Variants in EYA2 observed in about 807,000 individuals in gnomAD.
EYA2 encodes EYA transcriptional coactivator and phosphatase 2, also known as protein phosphatase EYA2.
EYA2 carries 31 observed loss-of-function variants against 69.2 expected under a neutral mutation model. The ratio of observed to expected loss-of-function variants is 0.45; its 90% CI spans 0.34 to 0.60. EYA2 has a LOEUF of 0.60. Among genes scored for constraint, EYA2 ranks in the 20% least tolerant of loss-of-function variants. The pLI is 0.02. For synonymous variants in EYA2, 257 were observed against 279.4 expected (o/e 0.92, Z 0.80); for missense variants, 622 against 701.2 (o/e 0.89, Z 1.28).
chr20:47,084,096 A>G (rs2031815215), intron 7 of EYA2, among the ~76,000 whole-genome samples: 1 of 152,060 alleles, frequency 6.6e-6, no homozygotes, highest in Admixed American at 6.6e-5. Flanking sequence ...AAAATACAAA[A>G]TTAGCTGGGT....
chr20:47,012,681 A>G (rs972070608), intron 4 of EYA2, among the ~76,000 whole-genome samples: 6 of 152,210 alleles, frequency 3.9e-5, no homozygotes, highest in African/African-American at 1.4e-4. Flanking sequence ...TTTTGTAGAG[A>G]CAGGGTTTCG....
At chr20:47,031,976 G>A (rs1478194652) in intron 5 of EYA2, among the ~76,000 whole-genome samples, 2 of 152,206 alleles carry the variant, frequency 1.3e-5, no homozygotes, top group African/African-American at 2.4e-5. Context: ...CCTGCTCCCA[G>A]CCCAGGCAGC....
At chr20:46,939,090 G>A (rs1031869138) in intron 1 of EYA2, among the ~76,000 whole-genome samples, 3 of 152,134 alleles carry the variant, frequency 2.0e-5, no homozygotes, top group African/African-American at 7.2e-5. Flanking sequence ...ACCTAGTTCA[G>A]GAGGGGCCAA....
rs78721372 is a variant in EYA2 at position 46,964,434 on chromosome 20, A to T, written c.-10-25567A>T. 2.9e-3 allele frequency among the ~76,000 whole-genome samples: 435 copies of T among 152,288 alleles called. 1 individual carries two copies. Among genetic ancestry groups the T allele is most frequent in the Admixed American group, 5.4e-3 (83 of 15,300 alleles). ...AAGAGAACCAAGTAGCACCTGGCAC[A>T]CAGAGGTCCGCAGGTGGCTGTTGAA... On this transcript the variant is annotated intron_variant, in intron 1 of 15. Coordinates refer to ENST00000327619, the MANE Select transcript of EYA2 (RefSeq NM_005244.5).
chr20:47,155,518 G>A (rs562047258), intron 10 of EYA2, among the ~76,000 whole-genome samples: 4 of 151,978 alleles, frequency 2.6e-5, no homozygotes, highest in Non-Finnish European at 4.4e-5. Flanking sequence ...AACCACAGAG[G>A]GCAGGTACTG....
At chr20:47,101,757 G>A (rs2032428683) in intron 9 of EYA2, among the ~76,000 whole-genome samples, 1 of 152,204 alleles carries the variant, frequency 6.6e-6, no homozygotes, top group South Asian at 2.1e-4. Context: ...TCTAAGCTTG[G>A]ATGTCAGAGA....
intron 12 of EYA2, among the ~76,000 whole-genome samples, chr20:47,173,071 A>C (rs2034357789): frequency 6.6e-6 from 1 of 152,102 alleles, no homozygotes; most frequent in Non-Finnish European, 1.5e-5. Context: ...TGAGGGACGG[A>C]GGCTGCATCT....
intron 5 of EYA2, among the ~76,000 whole-genome samples, chr20:47,069,453 C>T (rs2031232210): frequency 6.6e-6 from 1 of 152,170 alleles, no homozygotes; most frequent in Non-Finnish European, 1.5e-5. Flanking sequence ...TGCGCCTCTG[C>T]ACTCCAGCCT....
At chr20:47,136,255 G>A (rs2033469403) in intron 9 of EYA2, among the ~76,000 whole-genome samples, 1 of 152,170 alleles carries the variant, frequency 6.6e-6, no homozygotes, top group African/African-American at 2.4e-5. Flanking sequence ...CAACTGTTTA[G>A]TCTTAATTAA....
intron 1 of EYA2, among the ~76,000 whole-genome samples, chr20:46,898,991 G>T (rs1442976504): frequency 6.6e-6 from 1 of 152,174 alleles, no homozygotes; most frequent in Non-Finnish European, 1.5e-5. Flanking sequence ...AATAGCTGCT[G>T]TTTATTGAGA....
intron 1 of EYA2, among the ~76,000 whole-genome samples, chr20:46,919,830 G>T (rs761888580): frequency 6.6e-6 from 1 of 152,144 alleles, no homozygotes; most frequent in Non-Finnish European, 1.5e-5. Context: ...AAGCTTAATC[G>T]TTTCTAGCTT....
chr20:47,182,613 G>C (rs2034558550), intron 14 of EYA2, among the ~76,000 whole-genome samples: 1 of 59,972 alleles, frequency 1.7e-5, no homozygotes, highest in Non-Finnish European at 3.0e-5. Context: ...TGGGCAACAA[G>C]AACGAGACTC....
intron 12 of EYA2, among the ~76,000 whole-genome samples, chr20:47,179,315 T>G: frequency 3.6e-5 from 1 of 28,134 alleles, no homozygotes; most frequent in Admixed American, 5.5e-4. Flanking sequence ...GGTAGACTGA[T>G]GGGTGGGTGG....
At chr20:47,074,476 G>A in intron 7 of EYA2, 141 bp downstream of exon 7, 2 of 812,644 alleles carry the variant, frequency 2.5e-6, no homozygotes, top group Non-Finnish European at 3.8e-6. Context: ...CTTCTCTGAA[G>A]GAGGGACCTG....
intron 10 of EYA2, among the ~76,000 whole-genome samples, chr20:47,162,349 A>G (rs1235689979): frequency 1.3e-5 from 2 of 152,148 alleles, no homozygotes; most frequent in East Asian, 1.9e-4. Flanking sequence ...CACTACATAT[A>G]TAGAAAGTGC....
At chr20:46,932,611 G>A (rs192991437) in intron 1 of EYA2, among the ~76,000 whole-genome samples, 4 of 152,180 alleles carry the variant, frequency 2.6e-5, no homozygotes, top group South Asian at 2.1e-4. Context: ...GGCCAGGTGC[G>A]GTGGCTCAAG....
In EYA2 at chr20:47,119,707, G is replaced by T. The variant is rs139854562; in HGVS notation, c.888+22539G>T. Among the ~76,000 whole-genome samples the T allele has an allele frequency of 1.9e-3, 294 of 152,274 alleles. 3 individuals carry two copies. The highest frequency in any genetic ancestry group is 6.8e-3 in the African/African-American group (284 of 41,540). ...CTTGGGTACAGAGTTTCCTTTTAGG[G>T]TGATGAAAATGTTTTGGACCTAGGT... On this transcript the variant is annotated intron_variant, in intron 9 of 15. Transcript: ENST00000327619.
intron 1 of EYA2, among the ~76,000 whole-genome samples, chr20:46,906,555 A>G (rs1204893475): frequency 1.3e-5 from 2 of 152,242 alleles, no homozygotes; most frequent in African/African-American, 4.8e-5. Context: ...GTTGATAAAA[A>G]ATAATCTCTG....
chr20:47,004,298 G>A (rs6018223), intron 3 of EYA2, among the ~76,000 whole-genome samples: 77,947 of 152,062 alleles, frequency 0.51, 22,160 homozygotes, highest in Non-Finnish European at 0.66. Flanking sequence ...CCAGGGCAGA[G>A]TCTGATTGGA....
Sources: allele counts gnomAD v4.1 joint callset (sites outside exome capture counted in the v4.1 genomes callset), GRCh38; gene constraint gnomAD v4.1.1; transcripts MANE v1.5; gene names NCBI Gene and HGNC (gene_info 2026-07-23, HGNC 2026-07-21).